Variants in GHR observed in about 807,000 individuals in gnomAD.
The protein encoded by GHR is GH receptor.
GHR carries 35 observed loss-of-function variants against 67.1 expected under a neutral mutation model. The observed-to-expected ratio is 0.52, with a 90% CI of 0.40 to 0.69. GHR has a LOEUF of 0.69. Ranked by LOEUF, GHR falls within the 30% of genes least tolerant of loss-of-function variation. GHR has a pLI of 0.00. For missense variants in GHR, 792 were observed against 764.6 expected (o/e 1.04, Z -0.42); for synonymous variants, 272 against 269.1 (o/e 1.01, Z -0.10).
At chr5:42,442,472 G>A (rs1743621822) in intron 1 of GHR, among the ~76,000 whole-genome samples, 1 of 152,202 alleles carries the variant, frequency 6.6e-6, no homozygotes, top group South Asian at 2.1e-4. Context: ...CATGGGCAAG[G>A]GAGCTTCTGG....
At chr5:42,675,818 G>C (rs1756545759) in intron 3 of GHR, among the ~76,000 whole-genome samples, 1 of 152,160 alleles carries the variant, frequency 6.6e-6, no homozygotes, top group Non-Finnish European at 1.5e-5. Context: ...CCAAACCACA[G>C]TACTATAAAT....
In GHR at chr5:42,448,865, T is replaced by C. The variant is rs531913293; in HGVS notation, c.-12+24910T>C. Among the ~76,000 whole-genome samples, 4 of 152,278 alleles carry C rather than the reference T, an allele frequency of 2.6e-5. No individual in the cohort carries two copies. In the East Asian group the frequency reaches 7.7e-4, roughly 29 times the overall value. ...CCTTCTACATGGGGCTTGCCAATTA[T>C]CCCAGCACCATTTGTTGACTAGGGT... is the stretch of plus-strand genomic sequence containing the variant. On this transcript the variant is annotated intron_variant, in intron 1 of 9. Transcript: ENST00000230882.
At chr5:42,635,784 G>A (rs2112768475) in intron 3 of GHR, among the ~76,000 whole-genome samples, 1 of 152,216 alleles carries the variant, frequency 6.6e-6, no homozygotes, top group East Asian at 1.9e-4. Context: ...GAAACCTTTG[G>A]AATGCAGGTC....
chr5:42,638,453 G>A (rs1014937172), intron 3 of GHR, among the ~76,000 whole-genome samples: 1 of 152,150 alleles, frequency 6.6e-6, no homozygotes, highest in Non-Finnish European at 1.5e-5. Context: ...TAAACATGAA[G>A]TGTACTCACA....
chr5:42,440,469 AAAG>A (rs2111951137), intron 1 of GHR, among the ~76,000 whole-genome samples: 1 of 152,308 alleles, frequency 6.6e-6, no homozygotes, highest in African/African-American at 2.4e-5. Context: ...GTCAGAGTTC[AAAG>A]AAGGAGAAAG....
intron 3 of GHR, chr5:42,646,415 G>T (rs954879342): frequency 2.3e-6 from 1 of 441,932 alleles, no homozygotes; most frequent in Non-Finnish European, 4.5e-6. Context: ...AAACTAATAC[G>T]GGTTAGTGTA....
chr5:42,508,978 C>CTATG (rs1746896147), intron 1 of GHR, among the ~76,000 whole-genome samples: 1 of 152,178 alleles, frequency 6.6e-6, no homozygotes, highest in Non-Finnish European at 1.5e-5. Flanking sequence ...AAATTTGTAT[C>CTATG]TATGGGTGGT....
chr5:42,679,041 A>G (rs1009809902), intron 3 of GHR, among the ~76,000 whole-genome samples: 1 of 146,098 alleles, frequency 6.8e-6, no homozygotes, highest in African/African-American at 2.5e-5. Flanking sequence ...ATTAATTTAT[A>G]TTAACAATAT....
chr5:42,662,492 G>A (rs375311519), intron 3 of GHR, among the ~76,000 whole-genome samples: 1 of 152,024 alleles, frequency 6.6e-6, no homozygotes, highest in Admixed American at 6.6e-5. Context: ...GAACAACCTG[G>A]TCCTGAATGA....
intron 1 of GHR, among the ~76,000 whole-genome samples, chr5:42,433,585 C>T (rs76495216): frequency 0.026 from 3,988 of 151,868 alleles, 176 homozygotes; most frequent in East Asian, 0.11. Context: ...ATGGAACAGT[C>T]GATGACTGTA....
At chr5:42,442,365 C>T (rs2111960391) in intron 1 of GHR, among the ~76,000 whole-genome samples, 1 of 152,174 alleles carries the variant, frequency 6.6e-6, no homozygotes, top group South Asian at 2.1e-4. Context: ...TGGAGGTGCT[C>T]AGCAGTTTAC....
chr5:42,565,830 G>A (rs374557559), intron 1 of GHR, 34 bp from the exon 2 acceptor site: 219 of 1,613,684 alleles, frequency 1.4e-4, no homozygotes, highest in Non-Finnish European at 3.3e-5. Context: ...GCTTTTAATT[G>A]CTGGGCTTTA....
chr5:42,470,275 A>G (rs538892187), intron 1 of GHR, among the ~76,000 whole-genome samples: 47 of 146,746 alleles, frequency 3.2e-4, no homozygotes, highest in African/African-American at 1.1e-3. Flanking sequence ...TTATCTATAT[A>G]GTAAATATAT....
At chr5:42,550,555 T>C (rs56367086) in intron 1 of GHR, among the ~76,000 whole-genome samples, 4,313 of 152,274 alleles carry the variant, frequency 0.028, 208 homozygotes, top group African/African-American at 0.098. Flanking sequence ...AAAAAAATTG[T>C]GATTGGTGTT....
chr5:42,555,703 T>G (rs554596608), intron 1 of GHR, among the ~76,000 whole-genome samples: 10 of 152,298 alleles, frequency 6.6e-5, no homozygotes, highest in Non-Finnish European at 1.5e-4. Context: ...ACTTATTTTT[T>G]GGGTAGATGT....
intron 2 of GHR, among the ~76,000 whole-genome samples, chr5:42,571,988 C>A (rs1422096044): frequency 6.6e-6 from 1 of 152,152 alleles, no homozygotes; most frequent in East Asian, 1.9e-4. Context: ...ACTGGCCCAG[C>A]CAGCCTCTAC....
intron 1 of GHR, among the ~76,000 whole-genome samples, chr5:42,470,669 A>C (rs1744974490): frequency 6.6e-6 from 1 of 151,948 alleles, no homozygotes. Flanking sequence ...CTTACAGATT[A>C]GTTTGCCGCA....
At chr5:42,573,209 A>G (rs1750432329) in intron 2 of GHR, among the ~76,000 whole-genome samples, 1 of 152,146 alleles carries the variant, frequency 6.6e-6, no homozygotes, top group African/African-American at 2.4e-5. Context: ...CTCTCCTGCA[A>G]TTGTCACTGA....
At chr5:42,545,286 T>C (rs1225481595) in intron 1 of GHR, among the ~76,000 whole-genome samples, 2 of 152,204 alleles carry the variant, frequency 1.3e-5, no homozygotes. Context: ...CAACAAAGAA[T>C]TGCTAAAAGC....
Sources: allele counts gnomAD v4.1 joint callset (sites outside exome capture counted in the v4.1 genomes callset), GRCh38; gene constraint gnomAD v4.1.1; transcripts MANE v1.5; gene names NCBI Gene and HGNC (gene_info 2026-07-23, HGNC 2026-07-21).